CAP1: variants seen among roughly 807,000 people sequenced by gnomAD.
CAP1 encodes the protein cyclase associated actin cytoskeleton regulatory protein 1, also known as adenylyl cyclase-associated protein 1.
CAP1 carries 11 observed loss-of-function variants against 58.2 expected under a neutral mutation model. The ratio of observed to expected loss-of-function variants is 0.19; its 90% CI spans 0.12 to 0.31. The LOEUF (loss-of-function observed/expected upper bound fraction) is 0.31, where lower values mean the gene tolerates loss of function less well. Among genes scored for constraint, CAP1 ranks in the 10% least tolerant of loss-of-function variants. CAP1 has a pLI of 1.00. For synonymous variants in CAP1, 183 were observed against 213.8 expected, an observed-to-expected ratio of 0.86 and a Z score of 1.26; for missense variants, 423 against 587.5, an observed-to-expected ratio of 0.72 and a Z score of 2.89.
intron 1 of CAP1, among the ~76,000 whole-genome samples, chr1:40,052,513 C>G (rs1646421506): frequency 6.6e-6 from 1 of 152,148 alleles, no homozygotes; most frequent in African/African-American, 2.4e-5. Context: ...GGCAGACATA[C>G]AGTTCTCTGC....
chr1:40,043,614 C>T (rs1347179036), intron 1 of CAP1, among the ~76,000 whole-genome samples: 2 of 152,192 alleles, frequency 1.3e-5, no homozygotes, highest in African/African-American at 2.4e-5. Flanking sequence ...CAGTGACTCA[C>T]GCCTGTAATC....
At chr1:40,040,962 T>A (rs1466143909) in intron 1 of CAP1, 161 bp downstream of exon 1, 1 of 152,728 alleles carries the variant, frequency 6.5e-6, no homozygotes, top group African/African-American at 2.4e-5. Flanking sequence ...CGCGGTCTCT[T>A]GAGGTGGGGC....
intron 5 of CAP1, 39 bp downstream of exon 5, chr1:40,064,409 A>T: frequency 6.2e-7 from 1 of 1,613,788 alleles, no homozygotes; most frequent in Non-Finnish European, 8.5e-7. Flanking sequence ...GTGGGTATAG[A>T]TTTTAAGAGG....
At position 40,066,642 on chromosome 1, in the gene CAP1, A is replaced by G. The variant is rs143794375; in HGVS notation, c.630+322A>G. On this transcript the variant is annotated intron_variant, in intron 7 of 12. Coordinates refer to ENST00000372805, the MANE Select transcript of CAP1 (RefSeq NM_006367.4). The stretch of plus-strand genomic sequence containing the variant: ...TTAAAAATAAGAATGCAAAACCCCA[A>G]TACAAATCACCAAGCCAAATGCTAT... 2.6e-5 allele frequency among the ~76,000 whole-genome samples: 4 copies of G among 152,310 alleles called. No homozygotes were observed. In the East Asian group the frequency reaches 5.8e-4, roughly 22 times the overall value.
At position 40,046,042 on chromosome 1, in the gene CAP1, TTGA is replaced by T. The variant is rs532940611; in HGVS notation, c.-11+5244_-11+5246del. Among the ~76,000 whole-genome samples, 110 of 152,328 alleles carry T rather than the reference TTGA, an allele frequency of 7.2e-4. 1 individual carries two copies. The highest frequency in any genetic ancestry group is 2.3e-3 in the African/African-American group (94 of 41,572). ...TTGAGTACTAGAAGCAAGCTTCTTG[TTGA>T]TGGTGTAAGTCAGCAGATTTCCCTC... On this transcript the variant is annotated intron_variant, in intron 1 of 12. Transcript: ENST00000372805.
intron 6 of CAP1, among the ~76,000 whole-genome samples, 163 bp from the exon 7 acceptor site, chr1:40,066,052 T>G (rs1174808742): frequency 2.0e-5 from 3 of 152,168 alleles, no homozygotes; most frequent in Non-Finnish European, 4.4e-5. Context: ...TAGACTAGGT[T>G]GTATATACAT....
intron 1 of CAP1, among the ~76,000 whole-genome samples, chr1:40,053,737 G>A (rs946393448): frequency 2.6e-5 from 4 of 152,128 alleles, no homozygotes; most frequent in South Asian, 4.1e-4. Flanking sequence ...ATGAGCCACC[G>A]TGCCTGGCCA....
rs1315409092 is a variant in CAP1 at position 40,064,550 on chromosome 1, A to G, written c.515A>G (p.Tyr172Cys). The G allele has an allele frequency of 1.2e-6, 2 of 1,611,604 alleles. No individual in the cohort carries two copies. The highest frequency in any genetic ancestry group is 1.7e-6 in the Non-Finnish European group (2 of 1,178,462). Residue 172 changes from tyrosine (Y) to cysteine (C), a missense_variant, in exon 6 of 13, where the codon TAC becomes TGC. Transcript: ENST00000372805. ...TATACAAACCGAGTCCTCAAAGAGT[A>G]CAAAGATGTGTAAGTTCAGCCTTTT... The part of the protein sequence containing the change: ...MFYTNRVLKE[Y>C]KDVDKKHVDW...
At position 40,072,269 on chromosome 1, in the gene CAP1, A is replaced by T; in HGVS notation, c.*736A>T. The T allele has an allele frequency of 4.6e-6, 1 of 218,060 alleles. No homozygotes were observed. The highest frequency in any genetic ancestry group is 7.3e-6 in the Non-Finnish European group (1 of 136,556). The allele number at this position is 218,060 out of a possible 1,614,324, so 13.5% of individuals were successfully genotyped here. On this transcript the variant is annotated 3_prime_UTR_variant, in exon 13 of 13. Coordinates refer to ENST00000372805, the MANE Select transcript of CAP1 (RefSeq NM_006367.4). ...TTTAAAAGGAAAAAAAAAAAAAAAA[A>T]AACCCACATGATTTCAAGGAGTCTG...
intron 8 of CAP1, among the ~76,000 whole-genome samples, chr1:40,068,323 T>C (rs1319357811): frequency 2.0e-5 from 3 of 152,112 alleles, no homozygotes; most frequent in Non-Finnish European, 4.4e-5. Flanking sequence ...CAGCCTGGAG[T>C]GCAATGGCGC....
In CAP1 at chr1:40,044,987, G is replaced by A. The variant is rs112670268; in HGVS notation, c.-11+4186G>A. Reference sequence around the variant, plus strand: ...AATTTTTTGTATTTTTAGTATAGACGGGGTTTCACTGTGGTCTTGATCTCC... The same window carrying A: ...AATTTTTTGTATTTTTAGTATAGACAGGGTTTCACTGTGGTCTTGATCTCC... On this transcript the variant is annotated intron_variant, in intron 1 of 12. Coordinates refer to ENST00000372805, the MANE Select transcript of CAP1 (RefSeq NM_006367.4). Among the ~76,000 whole-genome samples, 1,132 of 151,610 alleles carry A rather than the reference G, an allele frequency of 7.5e-3. 12 individuals carry two copies. Among genetic ancestry groups the A allele is most frequent in the African/African-American group, 0.026 (1,087 of 41,290 alleles).
chr1:40,058,145 A>T (rs1390851830), intron 1 of CAP1, among the ~76,000 whole-genome samples: 1 of 152,212 alleles, frequency 6.6e-6, no homozygotes, highest in East Asian at 1.9e-4. Context: ...GAATTAGGCT[A>T]TTTCAGATAA....
intron 1 of CAP1, among the ~76,000 whole-genome samples, chr1:40,049,605 G>A (rs3122412): frequency 0.85 from 128,806 of 152,114 alleles, 54,531 homozygotes; most frequent in East Asian, 0.88. Context: ...AAGCTTGTCT[G>A]TTCTCATGAC....
At chr1:40,055,810 GTATCCTAACTCTTATCAGTCAGGA>G (rs1646588736) in intron 1 of CAP1, among the ~76,000 whole-genome samples, 2 of 152,306 alleles carry the variant, frequency 1.3e-5, no homozygotes, top group South Asian at 4.1e-4. Flanking sequence ...TGCCCAGCCA[GTATCCTAACTCTTATCAGTCAGGA>G]TGGAGGCAAG....
At chr1:40,048,594 G>A (rs1201497361) in intron 1 of CAP1, among the ~76,000 whole-genome samples, 1 of 152,072 alleles carries the variant, frequency 6.6e-6, no homozygotes, top group East Asian at 1.9e-4. Context: ...AATATTATAT[G>A]TTAAAAGAAA....
rs1648065136 is a variant in CAP1 at position 40,071,682 on chromosome 1, T to C, written c.*149T>C. ...ACAGCTACCTGCCTTCACTGAAATATACCTCAGGCTGAAATTTGGGGTGGG... is the reference window on the plus strand; with the variant it reads ...ACAGCTACCTGCCTTCACTGAAATACACCTCAGGCTGAAATTTGGGGTGGG... On this transcript the variant is annotated 3_prime_UTR_variant, in exon 13 of 13. Coordinates refer to ENST00000372805, the MANE Select transcript of CAP1 (RefSeq NM_006367.4). 2 of 592,502 alleles carry C rather than the reference T, an allele frequency of 3.4e-6. No homozygotes were observed. Among genetic ancestry groups the C allele is most frequent in the Admixed American group, 6.3e-5 (2 of 31,844 alleles). The allele number at this position is 592,502 out of a possible 1,614,324, so 36.7% of individuals were successfully genotyped here.
chr1:40,069,843 T>C lies in CAP1; in HGVS notation c.962T>C (p.Val321Ala), dbSNP rs1443360200. 3 of 1,591,482 alleles carry C rather than the reference T, an allele frequency of 1.9e-6. No individual in the cohort carries two copies. The African/African-American group carries it at 4.1e-5, about 22-fold the overall frequency. Residue 321 changes from valine (V) to alanine (A), a missense_variant, in exon 9 of 13, where the codon GTA (valine) becomes GCA (alanine). Val to Ala is a moderately conservative substitution (Grantham distance 64, BLOSUM62 0). Transcript: ENST00000372805. Reference sequence around the variant, plus strand: ...CGAGCCACAAAGAAGGAGCCAGCTGTACTTGAACTGGAGGGCAAGAAGTGG... The same window carrying C: ...CGAGCCACAAAGAAGGAGCCAGCTGCACTTGAACTGGAGGGCAAGAAGTGG... ...PKRATKKEPA[V>A]LELEGKKWRV...
At chr1:40,053,000 G>A (rs184153301) in intron 1 of CAP1, among the ~76,000 whole-genome samples, 10 of 152,108 alleles carry the variant, frequency 6.6e-5, no homozygotes, top group Admixed American at 3.9e-4. Flanking sequence ...CAAGGCGGGC[G>A]GATCACCAGG....
chr1:40,063,127 G>T (rs1646928633), intron 4 of CAP1, among the ~76,000 whole-genome samples: 1 of 151,958 alleles, frequency 6.6e-6, no homozygotes, highest in African/African-American at 2.4e-5. Context: ...CTCCTGAGTA[G>T]CCTTGACTAC....
Sources: gnomAD v4.1 joint callset for allele counts (sites outside exome capture counted in the v4.1 genomes callset) on GRCh38, gnomAD v4.1.1 for gene constraint, MANE v1.5 for transcripts, NCBI Gene and HGNC (gene_info 2026-07-23, HGNC 2026-07-21) for gene names.